The following FAM53A variants were observed in gnomAD, a reference collection of about 807,000 sequenced individuals.
FAM53A encodes the protein protein FAM53A.
FAM53A carries 28 observed loss-of-function variants against 26.6 expected under a neutral mutation model. The observed-to-expected ratio is 1.05, with a 90% CI of 0.78 to 1.45. The LOEUF (loss-of-function observed/expected upper bound fraction) is 1.45. Among genes scored for constraint, FAM53A ranks in the 40% most tolerant of loss-of-function variants. The pLI, the probability that FAM53A is intolerant of heterozygous loss-of-function variation, is 0.00. For synonymous variants in FAM53A, 290 were observed against 253.1 expected (o/e 1.15, Z -1.38); for missense variants, 650 against 575.8 (o/e 1.13, Z -1.32).
intron 1 of FAM53A, among the ~76,000 whole-genome samples, chr4:1,633,642 C>T (rs1051575773): frequency 3.9e-5 from 6 of 152,020 alleles, no homozygotes; most frequent in South Asian, 4.1e-4. Context: ...ATCCAAGAGC[C>T]GGTTCTTCCC....
downstream of FAM53A, among the ~76,000 whole-genome samples, chr4:1,639,337 C>G (rs1003037101): frequency 6.6e-6 from 1 of 152,202 alleles, no homozygotes; most frequent in African/African-American, 2.4e-5. Context: ...TGCTAAACCA[C>G]CCGGAGCTGA....
chr4:1,624,992 G>A (rs1715219527), intron 1 of FAM53A, among the ~76,000 whole-genome samples: 3 of 143,030 alleles, frequency 2.1e-5, no homozygotes, highest in African/African-American at 5.5e-5. Flanking sequence ...GGTCACACCA[G>A]GTGATCAGAA....
At chr4:1,656,409 C>T (rs562020878) in intron 3 of FAM53A, among the ~76,000 whole-genome samples, 11 of 152,346 alleles carry the variant, frequency 7.2e-5, no homozygotes, top group South Asian at 2.1e-4. Context: ...TGTGCAGTCA[C>T]TGTCCAGCTG....
chr4:1,598,324 A>G, the FAM53A span, among the ~76,000 whole-genome samples: 1 of 152,260 alleles, frequency 6.6e-6, no homozygotes, highest in Non-Finnish European at 1.5e-5. Flanking sequence ...ACGTGGGGCC[A>G]ACTCCAAACG....
At chr4:1,574,827 G>A in the FAM53A span, among the ~76,000 whole-genome samples, 15 of 152,364 alleles carry the variant, frequency 9.8e-5, no homozygotes, top group Admixed American at 3.3e-4. Context: ...GAGGGCCCAC[G>A]CCCTGTGTGC....
intron 2 of FAM53A, among the ~76,000 whole-genome samples, chr4:1,668,173 G>A (rs1423748491): frequency 1.3e-5 from 2 of 149,882 alleles, no homozygotes; most frequent in Admixed American, 6.7e-5. Flanking sequence ...ACGGAGTCTC[G>A]CTCTGTCCCA....
At chr4:1,650,535 C>T (rs909744489) in intron 4 of FAM53A, among the ~76,000 whole-genome samples, 2 of 151,936 alleles carry the variant, frequency 1.3e-5, no homozygotes, top group Admixed American at 6.6e-5. Context: ...CTCACTCTGT[C>T]GCCCAGGCTG....
At chr4:1,577,244 T>C in the FAM53A span, among the ~76,000 whole-genome samples, 1 of 152,174 alleles carries the variant, frequency 6.6e-6, no homozygotes, top group Non-Finnish European at 1.5e-5. Flanking sequence ...GAGGGGACCA[T>C]GTGCCAGACG....
At chr4:1,649,413 G>A (rs1433513810) in intron 4 of FAM53A, among the ~76,000 whole-genome samples, 1 of 152,210 alleles carries the variant, frequency 6.6e-6, no homozygotes, top group Non-Finnish European at 1.5e-5. Flanking sequence ...GTTTCTGACC[G>A]ACACTCCTTA....
rs1158435754 is a variant in FAM53A at position 1,680,337 on chromosome 4, A to AC, written c.-165+3895_-165+3896insG. Among the ~76,000 whole-genome samples the AC allele has an allele frequency of 2.8e-4, 41 of 148,046 alleles. 1 individual carries two copies. The highest frequency in any genetic ancestry group is 9.7e-4 in the African/African-American group (39 of 40,362). ...TCCGTCTCAAAAAAAAAAAAAAAAA[A>AC]AAAAAAAACACACCACTACACACAA... is the stretch of plus-strand genomic sequence containing the variant. On this transcript the variant is annotated intron_variant, in intron 1 of 4. Transcript: ENST00000308132.
downstream of FAM53A, among the ~76,000 whole-genome samples, chr4:1,613,600 C>G (rs372921087): frequency 6.6e-6 from 1 of 152,196 alleles, no homozygotes. Context: ...CACCGACGTG[C>G]GTGGCTATGC....
At chr4:1,635,737 A>G (rs1272144561), downstream of FAM53A, among the ~76,000 whole-genome samples, 1 of 151,966 alleles carries the variant, frequency 6.6e-6, no homozygotes, top group Non-Finnish European at 1.5e-5. Flanking sequence ...CCCATGAGTT[A>G]CATCAAGTGC....
chr4:1,637,160 G>T (rs1306059801), downstream of FAM53A, among the ~76,000 whole-genome samples: 1 of 151,840 alleles, frequency 6.6e-6, no homozygotes, highest in African/African-American at 2.4e-5. Flanking sequence ...GCTGGGCTGG[G>T]CTGCCATGCC....
chr4:1,593,025 T>C, the FAM53A span, among the ~76,000 whole-genome samples: 1 of 151,688 alleles, frequency 6.6e-6, no homozygotes, highest in Non-Finnish European at 1.5e-5. Context: ...GGTCACTTTC[T>C]CCCCAGTGCC....
the FAM53A span, among the ~76,000 whole-genome samples, chr4:1,597,282 C>T: frequency 6.6e-6 from 1 of 152,162 alleles, no homozygotes; most frequent in African/African-American, 2.4e-5. Context: ...CTGCTCCTCC[C>T]CCCACCACTG....
At chr4:1,636,610 G>A (rs1715850486), downstream of FAM53A, among the ~76,000 whole-genome samples, 1 of 152,258 alleles carries the variant, frequency 6.6e-6, no homozygotes, top group Non-Finnish European at 1.5e-5. Context: ...CACACTGGCT[G>A]TCCTGGGTGG....
chr4:1,602,416 G>A, the FAM53A span, among the ~76,000 whole-genome samples: 1 of 152,268 alleles, frequency 6.6e-6, no homozygotes, highest in Non-Finnish European at 1.5e-5. Flanking sequence ...CCCACACAAA[G>A]GCTGCGGCAA....
Position 1,646,241 on chromosome 4 carries a change from C to T in FAM53A, c.883-4634G>A, listed in dbSNP as rs1379210648. On this transcript the variant is annotated intron_variant, in intron 4 of 4. Transcript: ENST00000308132. ...TCAGCCTCCCAAGTAGCTGGGAATACAGGCGTCCGCCACCATGCCGGCTAA... is the reference window on the plus strand; with the variant it reads ...TCAGCCTCCCAAGTAGCTGGGAATATAGGCGTCCGCCACCATGCCGGCTAA... Among the ~76,000 whole-genome samples, 4 of 152,128 alleles carry T rather than the reference C, an allele frequency of 2.6e-5. No homozygotes were observed. The East Asian group carries it at 7.7e-4, about 29-fold the overall frequency.
the FAM53A span, among the ~76,000 whole-genome samples, chr4:1,596,947 C>T: frequency 3.8e-4 from 58 of 152,164 alleles, no homozygotes; most frequent in Admixed American, 3.5e-3. Context: ...GAAAGGCCCC[C>T]GGGGGCTCGC....
Sources: allele counts gnomAD v4.1 joint callset (sites outside exome capture counted in the v4.1 genomes callset), GRCh38; gene constraint gnomAD v4.1.1; transcripts MANE v1.5; gene names NCBI Gene and HGNC (gene_info 2026-07-23, HGNC 2026-07-21).